OR2A12: variants seen among roughly 807,000 people sequenced by gnomAD.
OR2A12 encodes the protein olfactory receptor 2A12.
For synonymous variants in OR2A12, 153 were observed against 149.3 expected (o/e 1.02, Z -0.18); for missense variants, 380 against 372.5 (o/e 1.02, Z -0.17).
intron 1 of OR2A12, among the ~76,000 whole-genome samples, chr7:144,088,902 A>C (rs953360641): frequency 9.2e-5 from 14 of 152,292 alleles, no homozygotes; most frequent in African/African-American, 3.4e-4. Context: ...TCTTCTTCGA[A>C]GAACACCAAA....
Position 144,095,943 on chromosome 7 carries a change from T to G in OR2A12, c.836T>G (p.Leu279Arg), listed in dbSNP as rs2051261705. 6.2e-7 allele frequency: 1 copy of G among 1,613,916 alleles called. No individual in the cohort carries two copies. The highest frequency in any genetic ancestry group is 1.7e-5 in the Admixed American group (1 of 59,992). The change falls in exon 2 of 2, where the codon CTT (leucine) becomes CGT (arginine). Residue 279 changes from leucine to arginine, a missense_variant. By Grantham distance (102) the Leu-to-Arg change is moderately radical (BLOSUM62 -2). Coordinates refer to ENST00000641592, the MANE Select transcript of OR2A12 (RefSeq NM_001004135.2). ...AAGATCCTTTCCCTGTTTTACAGCC[T>G]TTTCAACCCGATCCTGAACCCCCTC... ...RRKILSLFYS[L>R]FNPILNPLIY...
intron 1 of OR2A12, among the ~76,000 whole-genome samples, chr7:144,089,111 A>C (rs1755575592): frequency 6.6e-6 from 1 of 152,156 alleles, no homozygotes; most frequent in Admixed American, 6.5e-5. Context: ...GATTTAGGAA[A>C]AGTTTTTGTC....
chr7:144,091,323 G>A (rs200626415), intron 1 of OR2A12, among the ~76,000 whole-genome samples: 8 of 152,300 alleles, frequency 5.3e-5, no homozygotes, highest in African/African-American at 9.6e-5. Flanking sequence ...CTTGGGAGGC[G>A]GAGGTTGCAG....
rs900303533 is a variant in OR2A12, at chr7:144,097,222, C to A, written c.*1182C>A. 2 of 151,740 alleles carry A rather than the reference C, an allele frequency of 1.3e-5. No individual in the cohort carries two copies. Among genetic ancestry groups the A allele is most frequent in the Non-Finnish European group, 2.9e-5 (2 of 67,948 alleles). The allele number at this position is 151,740 out of a possible 1,614,324, so 9.4% of individuals were successfully genotyped here. A position where few individuals can be genotyped will look rare whatever the true frequency, so the allele number is the denominator to read the frequency against. ...ATTATATTTTTAAAGCAGTAACAAA[C>A]AATTAAAATGAAACTTGAAAAAACG... On this transcript the variant is annotated 3_prime_UTR_variant, in exon 2 of 2. Coordinates refer to ENST00000641592, the MANE Select transcript of OR2A12 (RefSeq NM_001004135.2).
chr7:144,096,139 GTT>G lies in OR2A12; in HGVS notation c.*101_*102del. The G allele has an allele frequency of 2.3e-6, 2 of 881,886 alleles. No homozygotes were observed. The highest frequency in any genetic ancestry group is 3.6e-6 in the Non-Finnish European group (2 of 563,080). The allele number at this position is 881,886 out of a possible 1,614,324, so 54.6% of individuals were successfully genotyped here. ...TCTTTAATTTACCACACCCAATACT[GTT>G]TATCTTTAGACTTCTTATAAAAAGA... On this transcript the variant is annotated 3_prime_UTR_variant, in exon 2 of 2. Coordinates refer to ENST00000641592, the MANE Select transcript of OR2A12 (RefSeq NM_001004135.2).
rs796215990 is a variant in OR2A12, at chr7:144,096,516, A to G, written c.*476A>G. On this transcript the variant is annotated 3_prime_UTR_variant, in exon 2 of 2. Coordinates refer to ENST00000641592, the MANE Select transcript of OR2A12 (RefSeq NM_001004135.2). The stretch of plus-strand genomic sequence containing the variant: ...ACTAATTACTTTTACTATTTAAGGC[A>G]TTGATACCAAACCTGAGATAAACTT... The G allele has an allele frequency of 1.3e-5, 2 of 148,206 alleles. No homozygotes were observed. Among genetic ancestry groups the G allele is most frequent in the African/African-American group, 5.2e-5 (2 of 38,340 alleles). 9.2% of individuals were successfully genotyped at this position (148,206 alleles called of 1,614,324 possible). A position where few individuals can be genotyped will look rare whatever the true frequency, so the allele number is the denominator to read the frequency against.
rs1397890193 is a variant in OR2A12, at chr7:144,092,551, C to T, written c.-51-2506C>T. Among the ~76,000 whole-genome samples the T allele has an allele frequency of 2.6e-5, 4 of 152,190 alleles. No individual in the cohort carries two copies. The East Asian group carries it at 7.7e-4, about 29-fold the overall frequency. On this transcript the variant is annotated intron_variant, in intron 1 of 1. Coordinates refer to ENST00000641592, the MANE Select transcript of OR2A12 (RefSeq NM_001004135.2). ...TAGTTCTCATTGTTGAGATCTTTCA[C>T]CTCTCTGGTTAGCTGTATTCCTATG...
At chr7:144,089,967 G>T (rs964503150) in intron 1 of OR2A12, among the ~76,000 whole-genome samples, 1 of 152,058 alleles carries the variant, frequency 6.6e-6, no homozygotes, top group African/African-American at 2.4e-5. Flanking sequence ...GGAATATAGG[G>T]CTATATTGAG....
In OR2A12 at chr7:144,095,886, C is replaced by A. The variant is rs779197185; in HGVS notation, c.779C>A (p.Ala260Asp). The A allele has an allele frequency of 6.2e-7, 1 of 1,613,968 alleles. No homozygotes were observed. The highest frequency in any genetic ancestry group is 1.3e-5 in the African/African-American group (1 of 74,864). ...FFGSAIVMYM[A>D]PKSSHSQERR... Reference sequence around the variant, plus strand: ...GGCAGCGCCATTGTCATGTACATGGCCCCCAAGTCAAGCCATTCTCAAGAA... The same window carrying A: ...GGCAGCGCCATTGTCATGTACATGGACCCCAAGTCAAGCCATTCTCAAGAA... Residue 260 changes from alanine to aspartate, a missense_variant, in exon 2 of 2, where the codon GCC becomes GAC. Ala to Asp is a moderately radical substitution (Grantham distance 126). Transcript: ENST00000641592.
chr7:144,087,082 C>CAT (rs1393571722), intron 1 of OR2A12, among the ~76,000 whole-genome samples: 2 of 152,102 alleles, frequency 1.3e-5, no homozygotes, highest in Non-Finnish European at 1.5e-5. Flanking sequence ...GCATAAGAGT[C>CAT]ATATATATAT....
rs201053145 is a variant in OR2A12, at chr7:144,095,101, C to G, written c.-7C>G. ...AGTACATCACAAGATTTTTCTGTCA[C>G]GAGAACATGGAAAGCAATCAGACCT... On this transcript the variant is annotated 5_prime_UTR_variant, in exon 2 of 2. Transcript: ENST00000641592. 6.3e-7 allele frequency: 1 copy of G among 1,575,336 alleles called. No homozygotes were observed. The highest frequency in any genetic ancestry group is 1.9e-5 in the Admixed American group (1 of 53,500).
rs2051267788 is a variant in OR2A12 at position 144,096,808 on chromosome 7, A to C, written c.*768A>C. 2 of 152,222 alleles carry C rather than the reference A, an allele frequency of 1.3e-5. No homozygotes were observed. Among genetic ancestry groups the C allele is most frequent in the African/African-American group, 4.8e-5 (2 of 41,446 alleles). The allele number at this position is 152,222 out of a possible 1,614,324, so 9.4% of individuals were successfully genotyped here. ...ACAAGATTTAAGATCAATTCTTTAT[A>C]AGCTAATATCGCAGTAAGACTTTCT... On this transcript the variant is annotated 3_prime_UTR_variant, in exon 2 of 2. Coordinates refer to ENST00000641592, the MANE Select transcript of OR2A12 (RefSeq NM_001004135.2).
chr7:144,097,701 T>C lies in OR2A12; in HGVS notation c.*1661T>C. 1 of 152,190 alleles carries C rather than the reference T, an allele frequency of 6.6e-6. No individual in the cohort carries two copies. The highest frequency in any genetic ancestry group is 1.9e-4 in the East Asian group (1 of 5,198). 9.4% of individuals were successfully genotyped at this position (152,190 alleles called of 1,614,324 possible). On this transcript the variant is annotated 3_prime_UTR_variant, in exon 2 of 2. Transcript: ENST00000641592. ...AAAGAAAATTAGTGTATATTTGCTTTTATTAGCACTTGCTATATTAGAGGT... is the reference window on the plus strand; with the variant it reads ...AAAGAAAATTAGTGTATATTTGCTTCTATTAGCACTTGCTATATTAGAGGT...
intron 1 of OR2A12, among the ~76,000 whole-genome samples, chr7:144,089,649 T>C (rs2051214688): frequency 6.6e-6 from 1 of 152,128 alleles, no homozygotes; most frequent in South Asian, 2.1e-4. Flanking sequence ...GGAAACCACA[T>C]ATTTTGTTTA....
chr7:144,095,104 G>C lies in OR2A12; in HGVS notation c.-4G>C. The C allele has an allele frequency of 1.9e-6, 3 of 1,581,978 alleles. No individual in the cohort carries two copies. The highest frequency in any genetic ancestry group is 2.6e-6 in the Non-Finnish European group (3 of 1,165,702). ...ACATCACAAGATTTTTCTGTCACGA[G>C]AACATGGAAAGCAATCAGACCTGGA... is the stretch of plus-strand genomic sequence containing the variant. On this transcript the variant is annotated 5_prime_UTR_variant, in exon 2 of 2. Coordinates refer to ENST00000641592, the MANE Select transcript of OR2A12 (RefSeq NM_001004135.2).
Position 144,095,781 on chromosome 7 carries a change from TG to T in OR2A12, c.675del (p.Arg226GlyfsTer59). 1 of 1,614,136 alleles carries T rather than the reference TG, an allele frequency of 6.2e-7. No individual in the cohort carries two copies. The highest frequency in any genetic ancestry group is 1.1e-5 in the South Asian group (1 of 91,082). On this transcript the variant is annotated frameshift_variant, in exon 2 of 2. Coordinates refer to ENST00000641592, the MANE Select transcript of OR2A12 (RefSeq NM_001004135.2). LOFTEE classifies it low-confidence loss of function (END_TRUNC). Reference sequence around the variant, plus strand: ...TACTTGCACATCCTGGTGGCCATCTTGAGGATCCAGTCTGGGGAGGGCCGCA... The same window carrying T: ...TACTTGCACATCCTGGTGGCCATCTTAGGATCCAGTCTGGGGAGGGCCGCA... ...VSYLHILVAI[L>X]RIQSGEGRRK...
Position 144,095,603 on chromosome 7 carries a change from C to A in OR2A12, c.496C>A (p.Pro166Thr). The A allele has an allele frequency of 3.1e-6, 5 of 1,614,060 alleles. No individual in the cohort carries two copies. Among genetic ancestry groups the A allele is most frequent in the Non-Finnish European group, 4.2e-6 (5 of 1,179,984 alleles). The change falls in exon 2 of 2, where the codon CCT becomes ACT. Residue 166 changes from proline to threonine, a missense_variant. By Grantham distance (38) the Pro-to-Thr change is conservative. Coordinates refer to ENST00000641592, the MANE Select transcript of OR2A12 (RefSeq NM_001004135.2). ...CCATATTACTCTTATTCTGAGGCTG[C>A]CTTTTTGTGGCCCACAAAAGATCAA... ...LVHITLILRL[P>T]FCGPQKINHF...
At chr7:144,087,890 G>T (rs907969617) in intron 1 of OR2A12, among the ~76,000 whole-genome samples, 1 of 152,192 alleles carries the variant, frequency 6.6e-6, no homozygotes, top group Non-Finnish European at 1.5e-5. Context: ...TGCATGGTGT[G>T]TGGTAGGGGC....
At chr7:144,093,414 T>G (rs576416496) in intron 1 of OR2A12, among the ~76,000 whole-genome samples, 1 of 152,276 alleles carries the variant, frequency 6.6e-6, no homozygotes, top group East Asian at 1.9e-4. Context: ...ACTACACAAC[T>G]TCTTCCCTTT....
Sources: gnomAD v4.1 joint callset for allele counts (sites outside exome capture counted in the v4.1 genomes callset) on GRCh38, gnomAD v4.1.1 for gene constraint, MANE v1.5 for transcripts, NCBI Gene and HGNC (gene_info 2026-07-23, HGNC 2026-07-21) for gene names.